Variants in TENM3 observed in about 807,000 individuals in gnomAD.
TENM3 encodes teneurin-3.
Under a neutral mutation model 255.1 loss-of-function variants are expected in TENM3, and 63 were observed. The observed-to-expected ratio is 0.25, with a 90% CI of 0.20 to 0.30. The LOEUF is 0.30. Among genes scored for constraint, TENM3 ranks in the 10% least tolerant of loss-of-function variants. The probability of loss-of-function intolerance (pLI) is 1.00; values close to 1 mark genes in which losing one functional copy is unlikely to be tolerated. For missense variants in TENM3, 2,929 were observed against 3,461.1 expected (o/e 0.85, Z 3.86); for synonymous variants, 1,306 against 1,322.3 (o/e 0.99, Z 0.27).
chr4:181,690,650 T>TTA, the TENM3 span, among the ~76,000 whole-genome samples: 40 of 150,906 alleles, frequency 2.7e-4, no homozygotes, highest in African/African-American at 9.0e-4. Context: ...AGAAAGGAGA[T>TTA]AAAAAAAAAA....
chr4:181,608,308 G>A, the TENM3 span, among the ~76,000 whole-genome samples: 1 of 152,184 alleles, frequency 6.6e-6, no homozygotes, highest in African/African-American at 2.4e-5. Flanking sequence ...AATAATTTGA[G>A]GAATTTGCAT....
the TENM3 span, among the ~76,000 whole-genome samples, chr4:181,759,388 G>C: frequency 6.6e-6 from 1 of 151,966 alleles, no homozygotes; most frequent in Non-Finnish European, 1.5e-5. Flanking sequence ...TTTAAAACAT[G>C]TTTGAAAGTA....
intron 26 of TENM3, among the ~76,000 whole-genome samples, chr4:182,796,357 T>C (rs1766495868): frequency 6.6e-6 from 1 of 152,216 alleles, no homozygotes; most frequent in South Asian, 2.1e-4. Context: ...CTAGCACTGT[T>C]ACTAGCACAG....
rs527840734 is a variant in TENM3 at position 182,543,438 on chromosome 4, C to T, written c.512-57486C>T. ...TTACATGTATCTTCAGAAAGTTTAG[C>T]TGTATTACCAGTTGTTGGTGTATGC... On this transcript the variant is annotated intron_variant, in intron 3 of 27. Transcript: ENST00000511685. Among the ~76,000 whole-genome samples the T allele has an allele frequency of 3.3e-5, 5 of 152,280 alleles. No homozygotes were observed. The East Asian group carries it at 9.6e-4, about 29-fold the overall frequency.
At chr4:182,594,506 C>A (rs548856860) in intron 3 of TENM3, among the ~76,000 whole-genome samples, 4 of 152,272 alleles carry the variant, frequency 2.6e-5, no homozygotes, top group African/African-American at 9.6e-5. Flanking sequence ...GCCTGGGCAA[C>A]ACAGCAAGAC....
the TENM3 span, among the ~76,000 whole-genome samples, chr4:181,871,928 A>G: frequency 3.3e-5 from 5 of 152,130 alleles, no homozygotes; most frequent in African/African-American, 9.6e-5. Flanking sequence ...ATCATAAGGT[A>G]TGGCTATTTT....
chr4:181,648,588 A>G, the TENM3 span, among the ~76,000 whole-genome samples: 27 of 152,350 alleles, frequency 1.8e-4, no homozygotes, highest in African/African-American at 6.5e-4. Flanking sequence ...TTTCCAATTT[A>G]CAAAAGAATT....
chr4:182,744,766 T>C (rs1761883642), intron 19 of TENM3, among the ~76,000 whole-genome samples: 1 of 152,212 alleles, frequency 6.6e-6, no homozygotes, highest in South Asian at 2.1e-4. Flanking sequence ...TAAGAAGTAA[T>C]GTTTTCATTG....
intron 3 of TENM3, among the ~76,000 whole-genome samples, chr4:182,552,073 A>G (rs1036023899): frequency 3.3e-5 from 5 of 151,984 alleles, no homozygotes; most frequent in African/African-American, 1.2e-4. Context: ...TGGGAGTGAC[A>G]AGACTGTTCA....
At position 182,324,259 on chromosome 4, in the gene TENM3, A is replaced by T; in HGVS notation, c.232+7A>T. ...GACGAGTTCACTAGACAAGGTGGGTAACTGTCCTAGTAAAATAAGGCAATG... is the reference window on the plus strand; with the variant it reads ...GACGAGTTCACTAGACAAGGTGGGTTACTGTCCTAGTAAAATAAGGCAATG... On this transcript the variant is annotated splice_region_variant and intron_variant, in intron 2 of 27. Transcript: ENST00000511685. 6.3e-7 allele frequency: 1 copy of T among 1,599,302 alleles called. No individual in the cohort carries two copies. The highest frequency in any genetic ancestry group is 8.6e-7 in the Non-Finnish European group (1 of 1,166,440).
chr4:181,775,388 T>G, the TENM3 span, among the ~76,000 whole-genome samples: 1 of 152,176 alleles, frequency 6.6e-6, no homozygotes, highest in Non-Finnish European at 1.5e-5. Context: ...CTGAGTTTCT[T>G]GTATCTACGC....
the TENM3 span, among the ~76,000 whole-genome samples, chr4:181,913,061 T>C: frequency 6.6e-6 from 1 of 152,084 alleles, no homozygotes; most frequent in South Asian, 2.1e-4. Context: ...GATACTTGAA[T>C]ACATGGGTGA....
At chr4:182,536,747 T>C (rs932708292) in intron 3 of TENM3, among the ~76,000 whole-genome samples, 2 of 152,186 alleles carry the variant, frequency 1.3e-5, no homozygotes, top group Non-Finnish European at 2.9e-5. Context: ...TGCTAGCTCA[T>C]GGTGAACGTT....
chr4:181,877,220 G>T, the TENM3 span: 1 of 152,096 alleles, frequency 6.6e-6, no homozygotes, highest in Non-Finnish European at 1.5e-5. Flanking sequence ...AAGACTTTAT[G>T]TCTGAAGCGG....
chr4:182,298,837 A>T (rs1430278690), intron 1 of TENM3, among the ~76,000 whole-genome samples: 3 of 151,386 alleles, frequency 2.0e-5, no homozygotes, highest in Admixed American at 2.0e-4. Context: ...GCCGGGCGTG[A>T]TGGCGCCCAC....
intron 1 of TENM3, among the ~76,000 whole-genome samples, chr4:182,262,679 C>G (rs1758888008): frequency 6.6e-6 from 1 of 151,712 alleles, no homozygotes; most frequent in South Asian, 2.1e-4. Flanking sequence ...CGGGGCTGCT[C>G]TCCTGTCCAT....
chr4:181,704,751 G>A, the TENM3 span, among the ~76,000 whole-genome samples: 1 of 151,872 alleles, frequency 6.6e-6, no homozygotes, highest in Admixed American at 6.6e-5. Context: ...AGAGACCCCT[G>A]GCAGGGCCCG....
the TENM3 span, among the ~76,000 whole-genome samples, chr4:181,451,894 A>G: frequency 0.13 from 20,124 of 152,126 alleles, 1,508 homozygotes; most frequent in East Asian, 0.28. Context: ...GAGATTGCTC[A>G]AAGAGAGAAC....
the TENM3 span, among the ~76,000 whole-genome samples, chr4:181,754,329 C>A: frequency 6.7e-6 from 1 of 148,926 alleles, no homozygotes; most frequent in Non-Finnish European, 1.5e-5. Context: ...CACAGACAAT[C>A]ACATAATCCT....
Sources: gnomAD v4.1 joint callset for allele counts (sites outside exome capture counted in the v4.1 genomes callset) on GRCh38, gnomAD v4.1.1 for gene constraint, MANE v1.5 for transcripts, NCBI Gene and HGNC (gene_info 2026-07-23, HGNC 2026-07-21) for gene names.